CHCHD6: variants seen among roughly 807,000 people sequenced by gnomAD.
CHCHD6 encodes coiled-coil-helix-coiled-coil-helix domain containing 6, also known as MICOS complex subunit MIC25.
Under a neutral mutation model 32.3 loss-of-function variants are expected in CHCHD6, and 28 were observed. That is an observed-to-expected ratio of 0.87 (90% CI 0.64 to 1.19). The LOEUF (loss-of-function observed/expected upper bound fraction) is 1.19. Among genes scored for constraint, CHCHD6 ranks in the 50% most tolerant of loss-of-function variants. The probability of loss-of-function intolerance (pLI) is 0.00; values close to 1 mark genes in which losing one functional copy is unlikely to be tolerated. For missense variants in CHCHD6, 333 were observed against 307.0 expected (o/e 1.08, Z -0.63); for synonymous variants, 122 against 117.5 (o/e 1.04, Z -0.25).
chr3:126,858,466 G>A (rs1941740170), intron 5 of CHCHD6, among the ~76,000 whole-genome samples: 1 of 152,168 alleles, frequency 6.6e-6, no homozygotes, highest in Non-Finnish European at 1.5e-5. Context: ...CCCAGCAGGG[G>A]TGCCCCATGG....
chr3:126,762,276 A>G (rs2107672831), intron 4 of CHCHD6, among the ~76,000 whole-genome samples: 1 of 152,292 alleles, frequency 6.6e-6, no homozygotes, highest in South Asian at 2.1e-4. Flanking sequence ...GTAAAGATGT[A>G]TGCTGTAAAT....
chr3:126,926,336 C>G (rs2078324438), intron 6 of CHCHD6, among the ~76,000 whole-genome samples: 1 of 152,296 alleles, frequency 6.6e-6, no homozygotes, highest in Middle Eastern at 3.4e-3. Context: ...CCTCAGGGTC[C>G]AATACTTATG....
chr3:126,890,297 G>A (rs534505865), intron 5 of CHCHD6, among the ~76,000 whole-genome samples: 1 of 152,232 alleles, frequency 6.6e-6, no homozygotes, highest in Non-Finnish European at 1.5e-5. Context: ...TGAGCGGGTA[G>A]GGCCTGGAGC....
intron 1 of CHCHD6, among the ~76,000 whole-genome samples, chr3:126,709,608 T>C (rs956213955): frequency 1.3e-5 from 2 of 152,246 alleles, no homozygotes; most frequent in African/African-American, 4.8e-5. Flanking sequence ...CCATTTGATA[T>C]TTCCACCAGC....
chr3:126,754,012 C>T (rs1174692092), intron 4 of CHCHD6, among the ~76,000 whole-genome samples: 1 of 152,192 alleles, frequency 6.6e-6, no homozygotes, highest in Non-Finnish European at 1.5e-5. Flanking sequence ...TCACATGCTT[C>T]CTTAGAGTCC....
chr3:126,705,131 T>C (rs946120801), intron 1 of CHCHD6, among the ~76,000 whole-genome samples: 4 of 152,194 alleles, frequency 2.6e-5, no homozygotes, highest in African/African-American at 4.8e-5. Flanking sequence ...TAAATCCCGC[T>C]GTTTCTTGTA....
chr3:126,871,299 G>C (rs377637452), intron 5 of CHCHD6, among the ~76,000 whole-genome samples: 12 of 152,086 alleles, frequency 7.9e-5, no homozygotes, highest in African/African-American at 2.7e-4. Flanking sequence ...TTTTCCAAAA[G>C]GATCAGCGTG....
intron 5 of CHCHD6, among the ~76,000 whole-genome samples, chr3:126,892,416 A>G (rs766178371): frequency 9.2e-5 from 14 of 152,208 alleles, no homozygotes; most frequent in Non-Finnish European, 1.9e-4. Context: ...AGCATCCCCA[A>G]TAAATGGCTC....
chr3:126,928,367 T>C (rs1316167633), intron 6 of CHCHD6, among the ~76,000 whole-genome samples: 1 of 152,222 alleles, frequency 6.6e-6, no homozygotes, highest in East Asian at 1.9e-4. Flanking sequence ...AAAGTTCACA[T>C]TCAGGGCTGG....
At chr3:126,928,146 C>A (rs746308867) in intron 6 of CHCHD6, among the ~76,000 whole-genome samples, 2 of 152,238 alleles carry the variant, frequency 1.3e-5, no homozygotes, top group African/African-American at 2.4e-5. Context: ...CCGTGAGAGC[C>A]CACCAGAGGG....
chr3:126,877,172 C>T (rs552243669), intron 5 of CHCHD6, among the ~76,000 whole-genome samples: 51 of 152,236 alleles, frequency 3.4e-4, no homozygotes, highest in African/African-American at 9.1e-4. Context: ...TTACTCATAG[C>T]GGGGAATGGG....
At chr3:126,766,729 G>A in intron 4 of CHCHD6, 1 of 1,166,946 alleles carries the variant, frequency 8.6e-7, no homozygotes, top group Non-Finnish European at 1.3e-6. Flanking sequence ...GTCCTGCACT[G>A]CTTTTGGGTA....
chr3:126,797,162 GCT>G (rs1026336740), intron 4 of CHCHD6, among the ~76,000 whole-genome samples: 12 of 152,184 alleles, frequency 7.9e-5, no homozygotes, highest in African/African-American at 2.7e-4. Flanking sequence ...GCTGTCTGAG[GCT>G]CTCTAGCCCG....
intron 4 of CHCHD6, among the ~76,000 whole-genome samples, chr3:126,742,796 G>T (rs999114389): frequency 6.6e-6 from 1 of 152,164 alleles, no homozygotes; most frequent in Non-Finnish European, 1.5e-5. Flanking sequence ...TCAGCCTCTA[G>T]AACTATGAGA....
At chr3:126,776,881 C>G (rs545194550) in intron 4 of CHCHD6, among the ~76,000 whole-genome samples, 27 of 152,244 alleles carry the variant, frequency 1.8e-4, no homozygotes, top group African/African-American at 6.5e-4. Flanking sequence ...TTATAGGAAA[C>G]TGGGACACAA....
intron 4 of CHCHD6, among the ~76,000 whole-genome samples, chr3:126,810,698 G>A (rs1939618933): frequency 1.3e-5 from 2 of 152,170 alleles, no homozygotes; most frequent in South Asian, 4.1e-4. Context: ...GGGGAAACTG[G>A]GTGGGGAGTG....
chr3:126,918,856 A>G (rs569032458), intron 6 of CHCHD6, among the ~76,000 whole-genome samples: 2 of 152,366 alleles, frequency 1.3e-5, no homozygotes, highest in East Asian at 3.9e-4. Context: ...ATTTAAGGCT[A>G]TAATTTCTGT....
At chr3:126,749,497 TC>T (rs1019073624) in intron 4 of CHCHD6, among the ~76,000 whole-genome samples, 2 of 152,190 alleles carry the variant, frequency 1.3e-5, no homozygotes, top group Non-Finnish European at 2.9e-5. Context: ...CTCTCTGGCC[TC>T]CCTACCTCTG....
rs539244612 is a variant in CHCHD6, at chr3:126,927,393, C to T, written c.566+12643C>T. Among the ~76,000 whole-genome samples the T allele has an allele frequency of 7.9e-5, 12 of 152,308 alleles. No homozygotes were observed. The East Asian group carries it at 2.3e-3, about 29-fold the overall frequency. On this transcript the variant is annotated intron_variant, in intron 6 of 7. Coordinates refer to ENST00000290913, the MANE Select transcript of CHCHD6 (RefSeq NM_032343.3). ...TGGGGGGTGGTGGGCTCAGCACAGT[C>T]CTGTTGGGTTCTAAATGCTGAAGTG...
Sources: allele counts gnomAD v4.1 joint callset (sites outside exome capture counted in the v4.1 genomes callset), GRCh38; gene constraint gnomAD v4.1.1; transcripts MANE v1.5; gene names NCBI Gene and HGNC (gene_info 2026-07-23, HGNC 2026-07-21).